Variants in ACTR3B observed in about 807,000 individuals in gnomAD.
The protein encoded by ACTR3B is actin related protein 3B, also known as actin-related protein 3B.
In ACTR3B, 8 loss-of-function variants were observed where a neutral mutation model predicts 59.0. The observed-to-expected ratio is 0.14, with a 90% CI of 0.08 to 0.24. ACTR3B has a LOEUF of 0.24. ACTR3B is among the 10% of genes least tolerant of loss of function. The probability of loss-of-function intolerance (pLI) is 1.00; values close to 1 mark genes in which losing one functional copy is unlikely to be tolerated. For synonymous variants in ACTR3B, 148 were observed against 197.9 expected, an observed-to-expected ratio of 0.75 and a Z score of 2.12; for missense variants, 245 against 552.3, an observed-to-expected ratio of 0.44 and a Z score of 5.58.
intron 6 of ACTR3B, among the ~76,000 whole-genome samples, chr7:152,819,417 C>T (rs998575093): frequency 6.6e-6 from 1 of 152,234 alleles, no homozygotes; most frequent in Non-Finnish European, 1.5e-5. Context: ...CCGGATGATC[C>T]AGCGGTGGGC....
intron 2 of ACTR3B, among the ~76,000 whole-genome samples, chr7:152,795,927 T>C (rs1407512810): frequency 6.6e-6 from 1 of 151,072 alleles, no homozygotes; most frequent in African/African-American, 2.4e-5. Context: ...CACTGCAACC[T>C]CTGCCTCCCA....
rs187358382 is a variant in ACTR3B at position 152,797,100 on chromosome 7, T to C, written c.101-3431T>C. 6.1e-4 allele frequency among the ~76,000 whole-genome samples: 93 copies of C among 152,112 alleles called. 1 individual carries two copies. The highest frequency in any genetic ancestry group is 2.2e-3 in the African/African-American group (92 of 41,512). On this transcript the variant is annotated intron_variant, in intron 2 of 11. Transcript: ENST00000256001. ...TAATTAAAAACAGTTTTTAAAAATT[T>C]AAACTTTTTTGATATAGGGTCTCAC...
chr7:152,816,666 A>C (rs1795723837), intron 6 of ACTR3B, 78 bp downstream of exon 6: 10 of 1,325,522 alleles, frequency 7.5e-6, no homozygotes, highest in South Asian at 1.5e-5. Context: ...AAAAAAAAAA[A>C]AAACCTCTTC....
intron 9 of ACTR3B, among the ~76,000 whole-genome samples, chr7:152,829,176 A>T (rs187345958): frequency 1.8e-3 from 277 of 152,182 alleles, no homozygotes; most frequent in African/African-American, 6.0e-3. Flanking sequence ...TAATGAAGAC[A>T]TCCATCACCT....
intron 1 of ACTR3B, among the ~76,000 whole-genome samples, chr7:152,777,721 G>A (rs529821762): frequency 9.2e-5 from 14 of 152,252 alleles, no homozygotes; most frequent in Non-Finnish European, 2.9e-5. Context: ...TTGGGAGGCC[G>A]AGGTGGATCG....
At chr7:152,798,449 A>G (rs1480771340) in intron 2 of ACTR3B, among the ~76,000 whole-genome samples, 1 of 152,134 alleles carries the variant, frequency 6.6e-6, no homozygotes, top group Non-Finnish European at 1.5e-5. Flanking sequence ...TCAGGTAGAT[A>G]GTTTGCAAAT....
chr7:152,780,680 G>T lies in ACTR3B; in HGVS notation c.45-2507G>T, dbSNP rs1333279707. Among the ~76,000 whole-genome samples, 22 of 151,408 alleles carry T rather than the reference G, an allele frequency of 1.5e-4. No homozygotes were observed. In the East Asian group the frequency reaches 1.6e-3, roughly 11 times the overall value. ...TTTGGGATGGAAATGAGGCATAGTT[G>T]TTGAAGGCCTATCAGGTATCTACTA... On this transcript the variant is annotated intron_variant, in intron 1 of 11. Coordinates refer to ENST00000256001, the MANE Select transcript of ACTR3B (RefSeq NM_020445.6).
At chr7:152,847,331 T>C (rs1279052483) in intron 9 of ACTR3B, among the ~76,000 whole-genome samples, 1 of 152,196 alleles carries the variant, frequency 6.6e-6, no homozygotes, top group Non-Finnish European at 1.5e-5. Context: ...CTGAATGCAG[T>C]GGGATGTTTG....
intron 4 of ACTR3B, among the ~76,000 whole-genome samples, chr7:152,809,864 A>G (rs959140177): frequency 2.0e-5 from 3 of 151,974 alleles, no homozygotes; most frequent in South Asian, 2.1e-4. Context: ...ATTTTACACA[A>G]ATGGTAACAC....
chr7:152,793,114 G>A (rs1445446845), intron 2 of ACTR3B, among the ~76,000 whole-genome samples: 1 of 139,086 alleles, frequency 7.2e-6, no homozygotes, highest in African/African-American at 2.7e-5. Flanking sequence ...TTTGTTTCGG[G>A]TTAACTTATT....
intron 2 of ACTR3B, among the ~76,000 whole-genome samples, chr7:152,788,182 T>C (rs2098180942): frequency 6.6e-6 from 1 of 151,162 alleles, no homozygotes; most frequent in African/African-American, 2.4e-5. Context: ...GTCTGGGAAC[T>C]CCTGACCTCA....
intron 9 of ACTR3B, among the ~76,000 whole-genome samples, chr7:152,845,676 T>C (rs1461639722): frequency 3.3e-5 from 5 of 152,286 alleles, no homozygotes; most frequent in Non-Finnish European, 7.3e-5. Flanking sequence ...CTTGGCTCTG[T>C]TTTAGGGGCC....
At chr7:152,847,860 A>G (rs1048868622) in intron 9 of ACTR3B, among the ~76,000 whole-genome samples, 9 of 152,146 alleles carry the variant, frequency 5.9e-5, no homozygotes, top group African/African-American at 1.4e-4. Context: ...CTCACTAGGA[A>G]TACCTCCTTC....
At chr7:152,800,883 A>G (rs968969399) in intron 3 of ACTR3B, among the ~76,000 whole-genome samples, 2 of 152,302 alleles carry the variant, frequency 1.3e-5, no homozygotes, top group African/African-American at 4.8e-5. Flanking sequence ...AGGAAACACC[A>G]GGTCACACAT....
At chr7:152,769,517 T>C (rs1279938802) in intron 1 of ACTR3B, among the ~76,000 whole-genome samples, 30 of 152,188 alleles carry the variant, frequency 2.0e-4, no homozygotes, top group Admixed American at 2.0e-3. Context: ...TTTTGCTTTT[T>C]AGTCAATATG....
intron 9 of ACTR3B, among the ~76,000 whole-genome samples, chr7:152,849,108 G>A (rs536727880): frequency 2.6e-5 from 4 of 152,326 alleles, no homozygotes; most frequent in South Asian, 2.1e-4. Context: ...GGTTGGCCAC[G>A]CCGACAGAGT....
intron 1 of ACTR3B, among the ~76,000 whole-genome samples, chr7:152,777,459 T>C (rs2098138907): frequency 6.6e-6 from 1 of 152,188 alleles, no homozygotes; most frequent in South Asian, 2.1e-4. Flanking sequence ...AGTTATGTGG[T>C]GTATTCTTAA....
intron 9 of ACTR3B, among the ~76,000 whole-genome samples, chr7:152,827,353 ATT>A (rs1563136598): frequency 3.9e-5 from 6 of 152,258 alleles, no homozygotes; most frequent in African/African-American, 1.4e-4. Flanking sequence ...TTCACGTAGG[ATT>A]GAGAGGTGGA....
chr7:152,838,034 G>T (rs1797605076), intron 9 of ACTR3B, among the ~76,000 whole-genome samples: 1 of 152,124 alleles, frequency 6.6e-6, no homozygotes, highest in Non-Finnish European at 1.5e-5. Context: ...GTTTTCCTTG[G>T]TTTCAGTTAC....
Sources: allele counts gnomAD v4.1 joint callset (sites outside exome capture counted in the v4.1 genomes callset), GRCh38; gene constraint gnomAD v4.1.1; transcripts MANE v1.5; gene names NCBI Gene and HGNC (gene_info 2026-07-23, HGNC 2026-07-21).